Variants in TXNDC15 observed in about 807,000 individuals in gnomAD.
TXNDC15 encodes thioredoxin domain-containing protein 15.
Under a neutral mutation model 35.0 loss-of-function variants are expected in TXNDC15, and 24 were observed. That is an observed-to-expected ratio of 0.68 (90% CI 0.50 to 0.96). The LOEUF (loss-of-function observed/expected upper bound fraction) is 0.96. Among genes scored for constraint, TXNDC15 ranks in the 40% least tolerant of loss-of-function variants. The pLI is 0.00. For missense variants in TXNDC15, 385 were observed against 453.3 expected (o/e 0.85, Z 1.37); for synonymous variants, 169 against 174.0 (o/e 0.97, Z 0.23).
chr5:134,882,134 T>C (rs1303966931), intron 1 of TXNDC15, among the ~76,000 whole-genome samples: 53 of 141,754 alleles, frequency 3.7e-4, no homozygotes, highest in Non-Finnish European at 6.7e-4. Context: ...TCAGACGGGG[T>C]GGCCGGGCAG....
intron 1 of TXNDC15, among the ~76,000 whole-genome samples, chr5:134,877,465 A>T (rs543529598): frequency 3.3e-5 from 5 of 152,196 alleles, no homozygotes; most frequent in African/African-American, 1.2e-4. Flanking sequence ...CAGGGTCTGG[A>T]GGGGGGATAG....
intron 2 of TXNDC15, chr5:134,892,629 A>G (rs1251916615): frequency 1.3e-5 from 2 of 152,160 alleles, no homozygotes; most frequent in African/African-American, 4.8e-5. Flanking sequence ...CCTGTCTCCT[A>G]TGTTGGCATT....
At chr5:134,885,281 G>C (rs957578812) in intron 1 of TXNDC15, among the ~76,000 whole-genome samples, 2 of 152,180 alleles carry the variant, frequency 1.3e-5, no homozygotes, top group Non-Finnish European at 2.9e-5. Context: ...AGAACAGCTT[G>C]ATTCTTTCAG....
Position 134,896,823 on chromosome 5 carries a change from T to C in TXNDC15, c.886+399T>C, listed in dbSNP as rs182059576. 8.7e-3 allele frequency among the ~76,000 whole-genome samples: 1,321 copies of C among 152,170 alleles called. 14 individuals are homozygous for C. The highest frequency in any genetic ancestry group is 0.03 in the African/African-American group (1,259 of 41,502). ...CATACCCGGCTAATTTTTTGTATTT[T>C]TAATAGAGACGGGGTTTCACCGTGT... is the stretch of plus-strand genomic sequence containing the variant. On this transcript the variant is annotated intron_variant, in intron 4 of 4. Transcript: ENST00000358387.
In TXNDC15 at chr5:134,887,716, T is replaced by C; in HGVS notation, c.125T>C (p.Leu42Ser). 6.3e-7 allele frequency: 1 copy of C among 1,595,524 alleles called. No individual in the cohort carries two copies. The highest frequency in any genetic ancestry group is 8.6e-7 in the Non-Finnish European group (1 of 1,168,304). Residue 42 changes from leucine (L) to serine (S), a missense_variant, in exon 2 of 5, where the codon TTA (leucine) becomes TCA (serine). Coordinates refer to ENST00000358387, the MANE Select transcript of TXNDC15 (RefSeq NM_024715.4). The part of the protein sequence containing the change: ...GVEVAEESGR[L>S]WSEEQPAHPL... ...TTAGTTGCAGAGGAAAGTGGTCGCT[T>C]ATGGTCAGAGGAGCAGCCTGCTCAC...
intron 1 of TXNDC15, among the ~76,000 whole-genome samples, chr5:134,883,312 C>T (rs1356001210): frequency 1.3e-5 from 2 of 151,892 alleles, no homozygotes; most frequent in Non-Finnish European, 2.9e-5. Context: ...GTAATCCCAG[C>T]TATTCAGGAG....
At chr5:134,898,720 T>A (rs2150191753) in intron 4 of TXNDC15, among the ~76,000 whole-genome samples, 1 of 152,336 alleles carries the variant, frequency 6.6e-6, no homozygotes, top group East Asian at 1.9e-4. Context: ...CAGAGCATCT[T>A]TGGTAATCCC....
At chr5:134,892,552 C>A (rs1580866690) in intron 2 of TXNDC15, 1 of 152,294 alleles carries the variant, frequency 6.6e-6, no homozygotes, top group East Asian at 1.9e-4. Context: ...AGCACATTAA[C>A]TTCCTTTAAA....
At chr5:134,878,675 T>C (rs1750085637) in intron 1 of TXNDC15, among the ~76,000 whole-genome samples, 1 of 152,192 alleles carries the variant, frequency 6.6e-6, no homozygotes, top group Non-Finnish European at 1.5e-5. Context: ...ATTATCACTT[T>C]ATGTATAGCT....
intron 4 of TXNDC15, among the ~76,000 whole-genome samples, chr5:134,897,372 C>T (rs1348436705): frequency 2.0e-5 from 3 of 151,842 alleles, no homozygotes; most frequent in African/African-American, 7.3e-5. Context: ...CTCAGCCTTT[C>T]TAGTAGCTGG....
rs890915409 is a variant in TXNDC15 at position 134,876,734 on chromosome 5, T to G, written c.103+2204T>G. 1.2e-4 allele frequency among the ~76,000 whole-genome samples: 17 copies of G among 139,336 alleles called. No homozygotes were observed. The East Asian group carries it at 1.6e-3, about 13-fold the overall frequency. 91.4% of individuals were successfully genotyped at this position (139,336 alleles called of 152,430 possible). A position where few individuals can be genotyped will look rare whatever the true frequency, so the allele number is the denominator to read the frequency against. ...CAGAGTAGCTGAAAATCTGAGGTGT[T>G]TTTTTTTTTTTTTTTTCTGCAGAGG... On this transcript the variant is annotated intron_variant, in intron 1 of 4. Coordinates refer to ENST00000358387, the MANE Select transcript of TXNDC15 (RefSeq NM_024715.4).
intron 1 of TXNDC15, among the ~76,000 whole-genome samples, chr5:134,877,723 T>G (rs1750059874): frequency 2.0e-5 from 3 of 151,892 alleles, no homozygotes; most frequent in Admixed American, 1.3e-4. Context: ...TTCTCCTGCC[T>G]CAGCCTCCCG....
chr5:134,894,236 T>C (rs1047936785), intron 3 of TXNDC15, among the ~76,000 whole-genome samples: 1 of 152,164 alleles, frequency 6.6e-6, no homozygotes, highest in Non-Finnish European at 1.5e-5. Context: ...TTTATATTTC[T>C]CGTGTATCAT....
chr5:134,882,300 G>T (rs1385520195), intron 1 of TXNDC15, among the ~76,000 whole-genome samples: 3 of 151,738 alleles, frequency 2.0e-5, no homozygotes, highest in Non-Finnish European at 4.4e-5. Flanking sequence ...CCGGGAAGAG[G>T]CGCTCCTCAT....
chr5:134,885,386 T>C (rs965291373), intron 1 of TXNDC15, among the ~76,000 whole-genome samples: 5 of 152,244 alleles, frequency 3.3e-5, no homozygotes, highest in Non-Finnish European at 5.9e-5. Context: ...CTCAATACCC[T>C]GTGAATTATG....
chr5:134,899,078 G>GA (rs56940924), intron 4 of TXNDC15, among the ~76,000 whole-genome samples: 1,583 of 142,170 alleles, frequency 0.011, 26 homozygotes, highest in African/African-American at 0.038. Flanking sequence ...CTTCATCACA[G>GA]AAAAAAAAAA....
At chr5:134,884,146 G>T (rs1185902774) in intron 1 of TXNDC15, among the ~76,000 whole-genome samples, 1 of 150,800 alleles carries the variant, frequency 6.6e-6, no homozygotes, top group African/African-American at 2.4e-5. Flanking sequence ...CTTGAACCCG[G>T]GAGGTGGAGG....
At chr5:134,897,216 G>C (rs1485856414) in intron 4 of TXNDC15, among the ~76,000 whole-genome samples, 1 of 152,094 alleles carries the variant, frequency 6.6e-6, no homozygotes, top group Non-Finnish European at 1.5e-5. Flanking sequence ...TTTTACAGGT[G>C]TGAGCCACTG....
rs369719793 is a variant in TXNDC15, at chr5:134,874,399, C to G, written c.-29C>G. ...CGGCTGGCAGCACGACTCGCGTAGC[C>G]GTGCGCCGATTGCCTCTCGGCCTGG... is the stretch of plus-strand genomic sequence containing the variant. On this transcript the variant is annotated 5_prime_UTR_variant, in exon 1 of 5. Transcript: ENST00000358387. The G allele has an allele frequency of 1.3e-6, 2 of 1,567,264 alleles. No individual in the cohort carries two copies. The highest frequency in any genetic ancestry group is 1.1e-5 in the South Asian group (1 of 87,510).
Sources: allele counts gnomAD v4.1 joint callset (sites outside exome capture counted in the v4.1 genomes callset), GRCh38; gene constraint gnomAD v4.1.1; transcripts MANE v1.5; gene names NCBI Gene and HGNC (gene_info 2026-07-23, HGNC 2026-07-21).